OSCAR: variants seen among roughly 807,000 people sequenced by gnomAD.
The protein encoded by OSCAR is osteoclast associated Ig-like receptor, also known as osteoclast-associated immunoglobulin-like receptor.
A neutral mutation model predicts 27.3 loss-of-function variants in OSCAR; 25 were observed. That is an observed-to-expected ratio of 0.92 (90% CI 0.67 to 1.28). The LOEUF (loss-of-function observed/expected upper bound fraction) is 1.28. Ranked by LOEUF, OSCAR falls within the 50% of genes most tolerant of loss-of-function variation. The pLI, the probability that OSCAR is intolerant of heterozygous loss-of-function variation, is 0.00. For missense variants in OSCAR, 354 were observed against 355.1 expected, an observed-to-expected ratio of 1.00 and a Z score of 0.03; for synonymous variants, 158 against 165.7, an observed-to-expected ratio of 0.95 and a Z score of 0.36.
At chr19:54,100,479 T>C (rs1215353994) in intron 1 of OSCAR, among the ~76,000 whole-genome samples, 1 of 152,078 alleles carries the variant, frequency 6.6e-6, no homozygotes, top group Non-Finnish European at 1.5e-5. Flanking sequence ...CTGGCTTCCA[T>C]CCCCCTCCCA....
chr19:54,097,031 T>A lies in OSCAR; in HGVS notation c.204A>T (p.Gly68=). The A allele has an allele frequency of 6.2e-7, 1 of 1,614,156 alleles. No individual in the cohort carries two copies. Among genetic ancestry groups the A allele is most frequent in the Non-Finnish European group, 8.5e-7 (1 of 1,180,024 alleles). Residue 68 remains glycine, a synonymous_variant, in exon 3 of 5, where the codon GGA becomes GGT. Transcript: ENST00000358375. ...CCCGGAAGAGAAGGGGAGCGATCTC[T>A]CCAGGCTTGAAAAGTCCAAATCTCC... ...PAWRFGLFKP[G]EIAPLLFRDV...
intron 3 of OSCAR, among the ~76,000 whole-genome samples, 170 bp from the exon 4 acceptor site, chr19:54,096,323 T>TCTCTCTCTGCCTCC (rs1378812786): frequency 4.0e-4 from 59 of 148,336 alleles, no homozygotes; most frequent in African/African-American, 1.4e-3. Context: ...TCTGCCTCCC[T>TCTCTCTCTGCCTCC]CTCTCTCTGC....
At chr19:54,099,465 A>C (rs1457437691) in intron 2 of OSCAR, 1 of 976,570 alleles carries the variant, frequency 1.0e-6, no homozygotes, top group Non-Finnish European at 1.6e-6. Context: ...ACAGAGAAGG[A>C]AATGGAGTCT....
Position 54,097,066 on chromosome 19 carries a change from G to T in OSCAR, c.169C>A (p.Gln57Lys), listed in dbSNP as rs1449412360. ...AAAAGTCCAAATCTCCAAGCGGGTT[G>T]GGGTGCCCGGCATCTCAAGGTCACG... ...VNVTLRCRAP[Q>K]PAWRFGLFKP... The change falls in exon 3 of 5, where the codon CAA (glutamine) becomes AAA (lysine). Residue 57 changes from glutamine (Q) to lysine (K), a missense_variant. By Grantham distance (53) the Gln-to-Lys change is moderately conservative (BLOSUM62 1). Coordinates refer to ENST00000358375, the MANE Select transcript of OSCAR (RefSeq NM_133169.6). 6 of 1,614,064 alleles carry T rather than the reference G, an allele frequency of 3.7e-6. No individual in the cohort carries two copies. The highest frequency in any genetic ancestry group is 5.1e-6 in the Non-Finnish European group (6 of 1,180,040).
chr19:54,098,890 G>C (rs1400760020), intron 2 of OSCAR, among the ~76,000 whole-genome samples: 1 of 151,598 alleles, frequency 6.6e-6, no homozygotes, highest in Non-Finnish European at 1.5e-5. Flanking sequence ...GGAGGCTGAG[G>C]CAGGAGAATC....
intron 2 of OSCAR, among the ~76,000 whole-genome samples, chr19:54,097,707 C>CCTCAGCCTCCTGAGTACTCAGGAGGTA (rs1298108250): frequency 1.3e-5 from 2 of 150,714 alleles, no homozygotes; most frequent in Non-Finnish European, 2.9e-5. Context: ...CAGTCCTCCA[C>CCTCAGCCTCCTGAGTACTCAGGAGGTA]CTCAGCCTCC....
chr19:54,097,834 C>G (rs1192137624), intron 2 of OSCAR, among the ~76,000 whole-genome samples: 1 of 151,458 alleles, frequency 6.6e-6, no homozygotes, highest in Non-Finnish European at 1.5e-5. Context: ...CTCTTGGGCT[C>G]AAGCAATCCT....
Position 54,096,897 on chromosome 19 carries a change from G to T in OSCAR, c.338C>A (p.Ser113Tyr), listed in dbSNP as rs777656617. 77 of 1,613,884 alleles carry T rather than the reference G, an allele frequency of 4.8e-5. 3 individuals are homozygous for T. Among genetic ancestry groups the T allele is most frequent in the South Asian group, 1.1e-5 (1 of 91,072 alleles). The change falls in exon 3 of 5, where the codon TCC becomes TAC. Residue 113 changes from serine to tyrosine, a missense_variant. Physicochemically the swap from Ser to Tyr is moderately radical, Grantham distance 144. Coordinates refer to ENST00000358375, the MANE Select transcript of OSCAR (RefSeq NM_133169.6). ...CAGCTCCAGGACATCGCTGGGCTGG[G>T]ACCAGACACCCGGCCCCCAGTCTGG... Reference protein sequence around the residue: ...RRPDWGPGVWSQPSDVLELLV... With the variant: ...RRPDWGPGVWYQPSDVLELLV...
intron 2 of OSCAR, among the ~76,000 whole-genome samples, chr19:54,097,582 G>GCCAGA (rs1252316995): frequency 2.6e-4 from 27 of 103,136 alleles, no homozygotes; most frequent in East Asian, 1.6e-3. Flanking sequence ...ACCACACCCA[G>GCCAGA]ACTTTTTTTT....
intron 1 of OSCAR, 119 bp downstream of exon 1, chr19:54,100,637 T>A: frequency 3.6e-6 from 4 of 1,109,136 alleles, no homozygotes; most frequent in Non-Finnish European, 5.1e-6. Flanking sequence ...GTTCTTTATT[T>A]GAACCTAGAA....
At chr19:54,099,821 T>G (rs764487067) in intron 1 of OSCAR, 41 bp from the exon 2 acceptor site, 1 of 1,591,464 alleles carries the variant, frequency 6.3e-7, no homozygotes, top group East Asian at 2.2e-5. Context: ...TCCTTTTTTT[T>G]TTTTTGTCTG....
intron 3 of OSCAR, 58 bp from the exon 4 acceptor site, chr19:54,096,211 C>T: frequency 1.4e-6 from 2 of 1,385,842 alleles, no homozygotes; most frequent in South Asian, 2.8e-5. Flanking sequence ...CGCTCGCTCG[C>T]TCTGTTTCTC....
At chr19:54,095,844 G>A (rs1315025006) in intron 4 of OSCAR, 28 bp downstream of exon 4, 1 of 1,551,414 alleles carries the variant, frequency 6.4e-7, no homozygotes, top group Non-Finnish European at 8.7e-7. Context: ...TGGGGCGGAG[G>A]AGGCGGGCCG....
rs141681876 is a variant in OSCAR at position 54,100,380 on chromosome 19, G to A, written c.37+376C>T. On this transcript the variant is annotated intron_variant, in intron 1 of 4. Transcript: ENST00000358375. The stretch of plus-strand genomic sequence containing the variant: ...ATGATCGTAGAGTTTCTCCTCTCAC[G>A]AGTTCAGGAATCTGGGTCCCCATTT... Among the ~76,000 whole-genome samples, 14 of 152,224 alleles carry A rather than the reference G, an allele frequency of 9.2e-5. 1 individual carries two copies. In the East Asian group the frequency reaches 1.9e-3, roughly 21 times the overall value.
In OSCAR at chr19:54,096,875, C is replaced by T. The variant is rs2072759646; in HGVS notation, c.360G>A (p.Glu120=). Residue 120 remains glutamate (E), a synonymous_variant, in exon 3 of 5, where the codon GAG becomes GAA. Transcript: ENST00000358375. ...GVWSQPSDVL[E]LLVTEELPRP... is the part of the protein sequence containing the mutation. ...CCAGGACCTCACCTGTCACCAGCAG[C>T]TCCAGGACATCGCTGGGCTGGGACC... is the stretch of plus-strand genomic sequence containing the variant. 1 of 1,613,558 alleles carries T rather than the reference C, an allele frequency of 6.2e-7. No individual in the cohort carries two copies. The highest frequency in any genetic ancestry group is 1.3e-5 in the African/African-American group (1 of 74,902).
In OSCAR at chr19:54,095,462, C is replaced by CTA; in HGVS notation, c.656-107_656-106dup. On this transcript the variant is annotated intron_variant, in intron 4 of 4. Coordinates refer to ENST00000358375, the MANE Select transcript of OSCAR (RefSeq NM_133169.6). The stretch of plus-strand genomic sequence containing the variant: ...CTGGGGTGGACTTAGGGACCTGACT[C>CTA]TACAGTCTCAAAGTTGAGGGGGAGT... The CTA allele has an allele frequency of 2.7e-6, 4 of 1,466,238 alleles. No individual in the cohort carries two copies. In the South Asian group the frequency reaches 5.6e-5, roughly 21 times the overall value. The allele number at this position is 1,466,238 out of a possible 1,614,324, so 90.8% of individuals were successfully genotyped here.
In OSCAR at chr19:54,095,406, G is replaced by GT. The variant is rs1211661635; in HGVS notation, c.656-50dup. The GT allele has an allele frequency of 4.6e-6, 7 of 1,532,862 alleles. No individual in the cohort carries two copies. In the African/African-American group the frequency reaches 9.7e-5, roughly 21 times the overall value. The allele number at this position is 1,532,862 out of a possible 1,614,324, so 95.0% of individuals were successfully genotyped here. On this transcript the variant is annotated intron_variant, in intron 4 of 4. Transcript: ENST00000358375. ...GGGCCATCAGCTCCCGGACCCCAAA[G>GT]TCTGGGCCCTGAACTCCAGGTTTCC... is the stretch of plus-strand genomic sequence containing the variant.
intron 1 of OSCAR, 33 bp from the exon 2 acceptor site, chr19:54,099,813 C>CT (rs68058053): frequency 0.038 from 51,157 of 1,331,292 alleles, 85 homozygotes; most frequent in African/African-American, 0.082. Context: ...TTTCTTTTTC[C>CT]TTTTTTTTTT....
At chr19:54,100,670 C>T (rs1474329210) in intron 1 of OSCAR, 86 bp downstream of exon 1, 2 of 1,390,360 alleles carry the variant, frequency 1.4e-6, no homozygotes, top group African/African-American at 2.9e-5. Flanking sequence ...TGCCTGGTCC[C>T]CCTGCAGGGT....
Sources: allele counts gnomAD v4.1 joint callset (sites outside exome capture counted in the v4.1 genomes callset), GRCh38; gene constraint gnomAD v4.1.1; transcripts MANE v1.5; gene names NCBI Gene and HGNC (gene_info 2026-07-23, HGNC 2026-07-21).